The following BABAM2 variants were observed in gnomAD, a reference collection of about 807,000 sequenced individuals.
BABAM2 encodes BRISC and BRCA1 A complex member 2.
Under a neutral mutation model 54.7 loss-of-function variants are expected in BABAM2, and 31 were observed. That is an observed-to-expected ratio of 0.57 (90% CI 0.43 to 0.77). BABAM2 has a LOEUF of 0.77. BABAM2 is among the 30% of genes least tolerant of loss of function. The probability of loss-of-function intolerance (pLI) is 0.00; values close to 1 mark genes in which losing one functional copy is unlikely to be tolerated. For missense variants in BABAM2, 364 were observed against 455.8 expected (o/e 0.80, Z 1.83); for synonymous variants, 167 against 162.9 (o/e 1.03, Z -0.19).
chr2:28,087,153 C>T (rs1665720586), intron 6 of BABAM2, among the ~76,000 whole-genome samples: 1 of 152,090 alleles, frequency 6.6e-6, no homozygotes, highest in African/African-American at 2.4e-5. Context: ...TTCAATTTCT[C>T]CAGAAAATAA....
At chr2:28,245,916 A>G (rs1010764530) in intron 10 of BABAM2, among the ~76,000 whole-genome samples, 4 of 152,186 alleles carry the variant, frequency 2.6e-5, no homozygotes, top group Admixed American at 6.5e-5. Flanking sequence ...TCTTAAGTTC[A>G]TTTTTCTATC....
chr2:28,264,908 GCTT>G (rs1684849945), intron 10 of BABAM2, among the ~76,000 whole-genome samples: 1 of 152,166 alleles, frequency 6.6e-6, no homozygotes, highest in East Asian at 1.9e-4. Flanking sequence ...TGAAAGAATT[GCTT>G]CTTGATTTCA....
chr2:28,249,087 G>GT (rs367887351), intron 10 of BABAM2, among the ~76,000 whole-genome samples: 5,208 of 129,516 alleles, frequency 0.04, 168 homozygotes, highest in East Asian at 0.16. Flanking sequence ...TTGTTTGCTT[G>GT]TTTTTTTTTT....
At chr2:28,066,593 C>T (rs1191473153) in intron 6 of BABAM2, among the ~76,000 whole-genome samples, 23 of 152,184 alleles carry the variant, frequency 1.5e-4, no homozygotes, top group Admixed American at 1.5e-3. Flanking sequence ...CAAGTGGCTG[C>T]AGTAGCCATC....
intron 7 of BABAM2, among the ~76,000 whole-genome samples, chr2:28,172,746 T>C (rs1335937350): frequency 6.6e-6 from 1 of 152,190 alleles, no homozygotes; most frequent in Non-Finnish European, 1.5e-5. Flanking sequence ...AAGTTCAAAG[T>C]ATCACCAGCA....
At position 28,038,690 on chromosome 2, in the gene BABAM2, A is replaced by G. The variant is rs1228721097; in HGVS notation, c.496-7035A>G. On this transcript the variant is annotated intron_variant, in intron 5 of 11. Transcript: ENST00000379624. Reference sequence around the variant, plus strand: ...AGGATAATGACCTCCAGCTATATCCATGTTGCTGCAGAGGACATGATTTTG... The same window carrying G: ...AGGATAATGACCTCCAGCTATATCCGTGTTGCTGCAGAGGACATGATTTTG... Among the ~76,000 whole-genome samples, 5 of 152,156 alleles carry G rather than the reference A, an allele frequency of 3.3e-5. No homozygotes were observed. In the South Asian group the frequency reaches 8.3e-4, roughly 25 times the overall value.
intron 7 of BABAM2, among the ~76,000 whole-genome samples, chr2:28,168,841 G>A (rs994840115): frequency 6.6e-6 from 1 of 152,084 alleles, no homozygotes; most frequent in African/African-American, 2.4e-5. Context: ...CTTACCCAAG[G>A]AGCAGGATAG....
chr2:28,182,044 G>T (rs1573773025), intron 7 of BABAM2, among the ~76,000 whole-genome samples: 1 of 152,306 alleles, frequency 6.6e-6, no homozygotes, highest in East Asian at 1.9e-4. Context: ...CAGTATCCCA[G>T]TGTGGCTGGA....
At chr2:28,326,840 G>C (rs1453146554) in intron 11 of BABAM2, among the ~76,000 whole-genome samples, 1 of 152,224 alleles carries the variant, frequency 6.6e-6, no homozygotes, top group African/African-American at 2.4e-5. Flanking sequence ...GATACGCAGT[G>C]TCACAGGAAC....
chr2:28,198,194 C>G (rs1005712939), intron 7 of BABAM2, among the ~76,000 whole-genome samples: 2 of 151,604 alleles, frequency 1.3e-5, no homozygotes, highest in East Asian at 1.9e-4. Flanking sequence ...GAGTCTCGCT[C>G]TGTCACCCAG....
At chr2:27,950,921 A>G (rs1472686041) in intron 3 of BABAM2, among the ~76,000 whole-genome samples, 1 of 152,176 alleles carries the variant, frequency 6.6e-6, no homozygotes, top group Non-Finnish European at 1.5e-5. Context: ...AAGTTGCTGA[A>G]TTGATTGACA....
chr2:28,143,055 A>G (rs145387628), intron 7 of BABAM2, among the ~76,000 whole-genome samples: 1 of 151,754 alleles, frequency 6.6e-6, no homozygotes, highest in East Asian at 1.9e-4. Flanking sequence ...CTGTAATTTA[A>G]TGTTAAGGGT....
At chr2:28,017,680 C>T (rs1674943408) in intron 4 of BABAM2, among the ~76,000 whole-genome samples, 1 of 152,122 alleles carries the variant, frequency 6.6e-6, no homozygotes, top group Non-Finnish European at 1.5e-5. Flanking sequence ...CCTCATTTTC[C>T]CCCAAGTCTC....
chr2:28,026,938 A>AAATATATATT (rs1432462858), intron 5 of BABAM2, among the ~76,000 whole-genome samples: 1 of 11,030 alleles, frequency 9.1e-5, no homozygotes, highest in African/African-American at 1.2e-4. Flanking sequence ...ATATATATAT[A>AAATATATATT]AATATATATT....
intron 11 of BABAM2, among the ~76,000 whole-genome samples, chr2:28,321,605 A>G (rs1690026390): frequency 6.6e-6 from 1 of 152,176 alleles, no homozygotes; most frequent in Admixed American, 6.5e-5. Flanking sequence ...CCTTTAATGC[A>G]TGCTCGAAAT....
chr2:28,084,480 G>A (rs1466252308), intron 6 of BABAM2, among the ~76,000 whole-genome samples: 2 of 152,138 alleles, frequency 1.3e-5, no homozygotes, highest in Non-Finnish European at 2.9e-5. Context: ...GCAGAACTTG[G>A]ATGGAATCTA....
intron 10 of BABAM2, among the ~76,000 whole-genome samples, chr2:28,282,984 C>G (rs147711825): frequency 0.017 from 841 of 48,768 alleles, 6 homozygotes; most frequent in African/African-American, 0.068. Flanking sequence ...GGCAGCAGAG[C>G]GAGACTCCGT....
chr2:28,092,565 T>C (rs1281321316), intron 6 of BABAM2, among the ~76,000 whole-genome samples: 1 of 152,124 alleles, frequency 6.6e-6, no homozygotes, highest in Non-Finnish European at 1.5e-5. Flanking sequence ...TGAGAGAGAT[T>C]ATAGAAGTCT....
Position 28,025,294 on chromosome 2 carries a change from A to G in BABAM2, c.369A>G (p.Gln123=), listed in dbSNP as rs755992683. 7.4e-6 allele frequency: 12 copies of G among 1,612,728 alleles called. No homozygotes were observed. Among genetic ancestry groups the G allele is most frequent in the Admixed American group, 1.7e-5 (1 of 59,626 alleles). The change falls in exon 5 of 12, where the codon CAA becomes CAG. Residue 123 remains glutamine, a synonymous_variant. Coordinates refer to ENST00000379624, the MANE Select transcript of BABAM2 (RefSeq NM_199191.3). ...TTGTGGTGAAGGAACTTGTGCAACAATATCACCAATTCCAATGTAGCCGCC... is the reference window on the plus strand; with the variant it reads ...TTGTGGTGAAGGAACTTGTGCAACAGTATCACCAATTCCAATGTAGCCGCC... The part of the protein sequence containing the change: ...LLLVVKELVQ[Q]YHQFQCSRLR...
Sources: allele counts gnomAD v4.1 joint callset (sites outside exome capture counted in the v4.1 genomes callset), GRCh38; gene constraint gnomAD v4.1.1; transcripts MANE v1.5; gene names NCBI Gene and HGNC (gene_info 2026-07-23, HGNC 2026-07-21).